GPATCH2: variants seen among roughly 807,000 people sequenced by gnomAD.
The protein encoded by GPATCH2 is G-patch domain containing 2.
Under a neutral mutation model 58.0 loss-of-function variants are expected in GPATCH2, and 51 were observed. The observed-to-expected ratio is 0.88, with a 90% CI of 0.70 to 1.11. The LOEUF (loss-of-function observed/expected upper bound fraction) is 1.11. GPATCH2 is among the 50% of genes most tolerant of loss of function. The pLI is 0.00. For synonymous variants in GPATCH2, 222 were observed against 218.5 expected (o/e 1.02, Z -0.14); for missense variants, 625 against 652.2 (o/e 0.96, Z 0.45).
chr1:217,543,303 T>TCTGTC (rs1160108112), intron 5 of GPATCH2, among the ~76,000 whole-genome samples: 5 of 137,916 alleles, frequency 3.6e-5, no homozygotes, highest in Admixed American at 8.1e-5. Flanking sequence ...AGAGTCTCGC[T>TCTGTC]CTGTCGCCCA....
chr1:217,496,698 T>A (rs7515100), intron 7 of GPATCH2, among the ~76,000 whole-genome samples: 18,180 of 152,122 alleles, frequency 0.12, 2,364 homozygotes, highest in African/African-American at 0.33. Context: ...TTAAACAGAA[T>A]CACACACAAA....
chr1:217,492,110 A>G (rs1169629130), intron 7 of GPATCH2, among the ~76,000 whole-genome samples: 1 of 152,142 alleles, frequency 6.6e-6, no homozygotes, highest in Non-Finnish European at 1.5e-5. Flanking sequence ...GGTTCACTGC[A>G]GTAGCCCTGG....
At chr1:217,588,628 G>A (rs1435935096) in intron 5 of GPATCH2, among the ~76,000 whole-genome samples, 1 of 151,972 alleles carries the variant, frequency 6.6e-6, no homozygotes, top group Non-Finnish European at 1.5e-5. Flanking sequence ...AATAAATAGT[G>A]CACAAATCTT....
At chr1:217,563,835 A>G (rs1394364525) in intron 5 of GPATCH2, among the ~76,000 whole-genome samples, 2 of 152,080 alleles carry the variant, frequency 1.3e-5, no homozygotes, top group Non-Finnish European at 2.9e-5. Context: ...ACCTGAGGTA[A>G]GGAGTTCGAG....
At chr1:217,551,016 C>T (rs1234390925) in intron 5 of GPATCH2, among the ~76,000 whole-genome samples, 1 of 151,230 alleles carries the variant, frequency 6.6e-6, no homozygotes, top group Non-Finnish European at 1.5e-5. Context: ...TGCTTATGCA[C>T]TATAAATCTG....
At position 217,521,004 on chromosome 1, in the gene GPATCH2, C is replaced by T. The variant is rs557557429; in HGVS notation, c.1099-6115G>A. 1.4e-4 allele frequency among the ~76,000 whole-genome samples: 21 copies of T among 152,200 alleles called. No individual in the cohort carries two copies. In the South Asian group the frequency reaches 4.1e-3, roughly 30 times the overall value. ...GGACTACAGGTGTGTACCACCATGCCCAGTTACTTCTTAAAAGTTTGTATA... is the reference window on the plus strand; with the variant it reads ...GGACTACAGGTGTGTACCACCATGCTCAGTTACTTCTTAAAAGTTTGTATA... On this transcript the variant is annotated intron_variant, in intron 5 of 9. Coordinates refer to ENST00000366935, the MANE Select transcript of GPATCH2 (RefSeq NM_018040.5).
At chr1:217,433,953 C>A (rs1658681866) in intron 9 of GPATCH2, among the ~76,000 whole-genome samples, 1 of 152,150 alleles carries the variant, frequency 6.6e-6, no homozygotes, top group Non-Finnish European at 1.5e-5. Context: ...AATTGATTTT[C>A]AAAGCCGTTT....
intron 1 of GPATCH2, among the ~76,000 whole-genome samples, chr1:217,626,382 T>C (rs941882393): frequency 6.6e-6 from 1 of 152,182 alleles, no homozygotes; most frequent in African/African-American, 2.4e-5. Context: ...TACGCCTCCA[T>C]TATCATATTA....
At chr1:217,454,484 G>A (rs1174557798) in intron 8 of GPATCH2, among the ~76,000 whole-genome samples, 1 of 149,786 alleles carries the variant, frequency 6.7e-6, no homozygotes, top group Admixed American at 6.7e-5. Flanking sequence ...AGCTACTCGG[G>A]AGGCTGAGGC....
At chr1:217,535,757 A>G (rs1042098168) in intron 5 of GPATCH2, among the ~76,000 whole-genome samples, 13 of 152,194 alleles carry the variant, frequency 8.5e-5, no homozygotes, top group Non-Finnish European at 1.0e-4. Context: ...ATGAATAGAC[A>G]ACTGACTCCG....
intron 5 of GPATCH2, among the ~76,000 whole-genome samples, chr1:217,602,427 A>G (rs1340100056): frequency 6.6e-6 from 1 of 152,200 alleles, no homozygotes; most frequent in Non-Finnish European, 1.5e-5. Flanking sequence ...CTCAGCTAAA[A>G]AGATCAACCT....
In GPATCH2 at chr1:217,591,353, C is replaced by T. The variant is rs1026166909; in HGVS notation, c.1098+18968G>A. ...ACTAATGGACCTGTTTAAAAACATT[C>T]GTTTTGCTTGAAAATAGTAAAATTT... On this transcript the variant is annotated intron_variant, in intron 5 of 9. Coordinates refer to ENST00000366935, the MANE Select transcript of GPATCH2 (RefSeq NM_018040.5). Among the ~76,000 whole-genome samples, 4 of 151,894 alleles carry T rather than the reference C, an allele frequency of 2.6e-5. No individual in the cohort carries two copies. The South Asian group carries it at 6.2e-4, about 24-fold the overall frequency.
chr1:217,506,602 T>C (rs1279542339), intron 6 of GPATCH2, among the ~76,000 whole-genome samples: 2 of 152,168 alleles, frequency 1.3e-5, no homozygotes, highest in African/African-American at 4.8e-5. Flanking sequence ...AGTTCATTCA[T>C]ACCAAGGGAA....
intron 5 of GPATCH2, among the ~76,000 whole-genome samples, chr1:217,604,979 C>T (rs1052329714): frequency 3.3e-5 from 5 of 151,998 alleles, no homozygotes; most frequent in African/African-American, 1.2e-4. Flanking sequence ...GAGCTGAGAT[C>T]TGCCACTGCA....
chr1:217,607,558 A>T (rs1486777950), intron 5 of GPATCH2, among the ~76,000 whole-genome samples: 1 of 152,180 alleles, frequency 6.6e-6, no homozygotes, highest in Non-Finnish European at 1.5e-5. Context: ...TTAGTAAGTC[A>T]ACAATATATA....
intron 5 of GPATCH2, among the ~76,000 whole-genome samples, chr1:217,534,174 C>T (rs1304071680): frequency 6.6e-6 from 1 of 152,040 alleles, no homozygotes; most frequent in African/African-American, 2.4e-5. Flanking sequence ...CAAGATCACG[C>T]CACTGCACTC....
At chr1:217,527,955 G>A (rs1490032616) in intron 5 of GPATCH2, among the ~76,000 whole-genome samples, 2 of 152,132 alleles carry the variant, frequency 1.3e-5, no homozygotes, top group African/African-American at 4.8e-5. Flanking sequence ...TAACTGCAAC[G>A]GAAGTTAAAA....
chr1:217,557,452 GTTTAA>G (rs1011925396), intron 5 of GPATCH2, among the ~76,000 whole-genome samples: 24 of 150,718 alleles, frequency 1.6e-4, no homozygotes, highest in Non-Finnish European at 3.1e-4. Flanking sequence ...TTTTAATGTG[GTTTAA>G]TTTAACAGTC....
intron 5 of GPATCH2, among the ~76,000 whole-genome samples, chr1:217,544,197 C>T (rs1236117761): frequency 6.6e-6 from 1 of 152,166 alleles, no homozygotes. Flanking sequence ...GAGTTCGAAA[C>T]AAGCCTGGCC....
Sources: allele counts gnomAD v4.1 joint callset (sites outside exome capture counted in the v4.1 genomes callset), GRCh38; gene constraint gnomAD v4.1.1; transcripts MANE v1.5; gene names NCBI Gene and HGNC (gene_info 2026-07-23, HGNC 2026-07-21).